SNRPN: variants seen among roughly 807,000 people sequenced by gnomAD.
SNRPN encodes small nuclear ribonucleoprotein polypeptide N.
Under a neutral mutation model 25.2 loss-of-function variants are expected in SNRPN, and 7 were observed. That is an observed-to-expected ratio of 0.28 (90% confidence interval 0.16 to 0.52). The LOEUF is 0.52. SNRPN is among the 20% of genes least tolerant of loss of function. The probability of loss-of-function intolerance (pLI) is 0.96; values close to 1 mark genes in which losing one functional copy is unlikely to be tolerated. For missense variants in SNRPN, 196 were observed against 322.5 expected, an observed-to-expected ratio of 0.61 and a Z score of 3.00; for synonymous variants, 124 against 110.6, an observed-to-expected ratio of 1.12 and a Z score of -0.76.
chr15:24,914,776 T>A (rs2059417752), intron 2 of SNRPN, among the ~76,000 whole-genome samples: 1 of 152,034 alleles, frequency 6.6e-6, no homozygotes, highest in African/African-American at 2.4e-5. Context: ...TGATACTTAT[T>A]AAAGCATGGT....
rs571934539 is a variant in SNRPN, at chr15:24,848,045, C to G, written c.-579+18140C>G. The stretch of plus-strand genomic sequence containing the variant: ...CTCTGATGGAGAAGTCAGGTGCATT[C>G]GCTCATGTCTCCGTGGCAGGGCCGG... On this transcript the variant is annotated intron_variant, in intron 2 of 12. Transcript: ENST00000400100. Among the ~76,000 whole-genome samples the G allele has an allele frequency of 2.6e-3, 395 of 152,068 alleles. 3 individuals are homozygous for G. The highest frequency in any genetic ancestry group is 8.9e-3 in the African/African-American group (370 of 41,486).
upstream of SNRPN, among the ~76,000 whole-genome samples, chr15:24,953,767 AATAC>A (rs1203878607): frequency 6.6e-6 from 1 of 152,194 alleles, no homozygotes; most frequent in Non-Finnish European, 1.5e-5. Context: ...GATTCAGCCT[AATAC>A]ATCATTTTTT....
chr15:24,963,210 T>C (rs2075112181), intron 2 of SNRPN, among the ~76,000 whole-genome samples: 2 of 152,234 alleles, frequency 1.3e-5, no homozygotes, highest in African/African-American at 4.8e-5. Context: ...TACCTTATTT[T>C]ACAAAGTGTG....
chr15:24,931,688 A>G (rs1377625766), intron 3 of SNRPN, among the ~76,000 whole-genome samples: 2 of 151,924 alleles, frequency 1.3e-5, no homozygotes, highest in Non-Finnish European at 2.9e-5. Context: ...AAATACAAAA[A>G]TTAGCAGGGA....
chr15:24,874,080 G>A (rs563058574), intron 1 of SNRPN, among the ~76,000 whole-genome samples: 2 of 151,578 alleles, frequency 1.3e-5, no homozygotes, highest in Non-Finnish European at 2.9e-5. Context: ...GGAGGCCAAG[G>A]CTGGCAGATC....
rs1433462370 is a variant in SNRPN at position 24,929,881 on chromosome 15, A to G, written c.-391+9757A>G. Among the ~76,000 whole-genome samples the G allele has an allele frequency of 2.0e-5, 3 of 152,324 alleles. No homozygotes were observed. The highest frequency in any genetic ancestry group is 1.9e-4 in the East Asian group (1 of 5,182). The stretch of plus-strand genomic sequence containing the variant: ...AAAGAATCAACCTGAACACATGTAC[A>G]TCTATTATGTATCAATAAAAAAATG... On this transcript the variant is annotated intron_variant, in intron 3 of 11. Transcript: ENST00000400097. The surrounding 1 kb of genome is among the most constrained non-coding windows in gnomAD (Gnocchi z 5.3).
chr15:24,953,831 G>T (rs1302609161), upstream of SNRPN, among the ~76,000 whole-genome samples: 1 of 151,998 alleles, frequency 6.6e-6, no homozygotes, highest in Non-Finnish European at 1.5e-5. Flanking sequence ...TATTTAGTTA[G>T]CCTATCTGTT....
At chr15:24,853,160 G>C (rs1054756292), upstream of SNRPN, among the ~76,000 whole-genome samples, 2 of 152,056 alleles carry the variant, frequency 1.3e-5, no homozygotes, top group African/African-American at 4.8e-5. Flanking sequence ...CTTAACATTA[G>C]TGTGTTACGC....
intron 2 of SNRPN, chr15:24,910,833 T>C (rs2059166603): frequency 5.4e-6 from 3 of 554,022 alleles, no homozygotes; most frequent in Non-Finnish European, 9.5e-6. Context: ...AATGTGTTTA[T>C]TGAGATGGTT....
At chr15:24,956,431 T>C (rs561779070) in intron 1 of SNRPN, among the ~76,000 whole-genome samples, 2 of 151,974 alleles carry the variant, frequency 1.3e-5, no homozygotes, top group African/African-American at 4.8e-5. Flanking sequence ...TTCTGCTGTT[T>C]CGGAGTTTCA....
chr15:24,898,015 G>A (rs2058185355), intron 2 of SNRPN, among the ~76,000 whole-genome samples: 1 of 152,078 alleles, frequency 6.6e-6, no homozygotes, highest in Non-Finnish European at 1.5e-5. Context: ...TTTAGTGTTA[G>A]GAAGATCAAA....
At chr15:24,962,428 G>GT (rs1260846966) in intron 2 of SNRPN, among the ~76,000 whole-genome samples, 1 of 151,938 alleles carries the variant, frequency 6.6e-6, no homozygotes, top group Non-Finnish European at 1.5e-5. Context: ...TTTCCTATAC[G>GT]TGGGTAAGTG....
In SNRPN at chr15:24,859,503, G is replaced by A. The variant is rs576853032; in HGVS notation, c.-579+2787G>A. Among the ~76,000 whole-genome samples, 22 of 152,246 alleles carry A rather than the reference G, an allele frequency of 1.4e-4. 2 individuals carry two copies. In the Middle Eastern group the frequency reaches 0.017, roughly 118 times the overall value. On this transcript the variant is annotated intron_variant, in intron 1 of 11. Coordinates refer to the SNRPN transcript ENST00000400097. Reference sequence around the variant, plus strand: ...GTCTAATGGAATAAAAACAATTCCAGGGGCATTTGTTAAAGATGTATAAGA... The same window carrying A: ...GTCTAATGGAATAAAAACAATTCCAAGGGCATTTGTTAAAGATGTATAAGA...
chr15:24,971,504 T>C (rs2076399421), intron 3 of SNRPN, among the ~76,000 whole-genome samples: 1 of 151,888 alleles, frequency 6.6e-6, no homozygotes, highest in Non-Finnish European at 1.5e-5. Context: ...AAAACATATA[T>C]CTCTTCTAGC....
intron 1 of SNRPN, among the ~76,000 whole-genome samples, chr15:24,858,492 T>C (rs2053647173): frequency 6.6e-6 from 1 of 152,016 alleles, no homozygotes. Flanking sequence ...AGAAACAATT[T>C]AGGGCTCCAA....
chr15:24,956,323 G>A (rs1323128557), intron 1 of SNRPN, among the ~76,000 whole-genome samples: 2 of 149,606 alleles, frequency 1.3e-5, no homozygotes, highest in African/African-American at 4.9e-5. Context: ...GGCCGCCGCT[G>A]CAGCGGCTTA....
At chr15:24,938,758 T>A (rs1186535961) in intron 3 of SNRPN, among the ~76,000 whole-genome samples, 1 of 152,016 alleles carries the variant, frequency 6.6e-6, no homozygotes. Context: ...ATAGGATGGG[T>A]TAGTTTAAAT....
intron 1 of SNRPN, among the ~76,000 whole-genome samples, chr15:24,866,691 C>G (rs1407063684): frequency 1.3e-5 from 2 of 152,182 alleles, no homozygotes; most frequent in Non-Finnish European, 2.9e-5. Flanking sequence ...TTCTGCCCAA[C>G]CCCACCCTCA....
chr15:24,899,497 C>T (rs1002976745), intron 2 of SNRPN, among the ~76,000 whole-genome samples: 5 of 152,242 alleles, frequency 3.3e-5, no homozygotes, highest in Non-Finnish European at 5.9e-5. Context: ...GTCTCTCAGC[C>T]GTTTCCCATA....
Sources: allele counts gnomAD v4.1 joint callset (sites outside exome capture counted in the v4.1 genomes callset), GRCh38; gene constraint gnomAD v4.1.1; non-coding constraint Gnocchi (gnomAD v3.1); transcripts MANE v1.5; gene names NCBI Gene and HGNC (gene_info 2026-07-23, HGNC 2026-07-21).